ZNF280D: variants seen among roughly 807,000 people sequenced by gnomAD.
The protein encoded by ZNF280D is suppressor of hairy wing homolog 4.
A neutral mutation model predicts 94.7 loss-of-function variants in ZNF280D; 39 were observed. The observed-to-expected ratio is 0.41, with a 90% CI of 0.32 to 0.54. The LOEUF is 0.54. Among genes scored for constraint, ZNF280D ranks in the 20% least tolerant of loss-of-function variants. ZNF280D has a pLI of 0.22. For missense variants in ZNF280D, 1,090 were observed against 1,149.3 expected, an observed-to-expected ratio of 0.95 and a Z score of 0.75; for synonymous variants, 398 against 377.6, an observed-to-expected ratio of 1.05 and a Z score of -0.63.
At chr15:56,658,884 C>G (rs2053723326) in intron 16 of ZNF280D, among the ~76,000 whole-genome samples, 1 of 152,036 alleles carries the variant, frequency 6.6e-6, no homozygotes, top group Admixed American at 6.6e-5. Flanking sequence ...TTTTATTACT[C>G]TCCAATTTTA....
intron 20 of ZNF280D, among the ~76,000 whole-genome samples, chr15:56,639,092 T>C (rs1343314140): frequency 6.6e-6 from 1 of 151,918 alleles, no homozygotes; most frequent in Admixed American, 6.6e-5. Flanking sequence ...GAGGTATATG[T>C]TATTATATCC....
In ZNF280D at chr15:56,666,673, G is replaced by T; in HGVS notation, c.1853+6C>A. ...ATTATATTGTATATCAGGAATAAAAGATTACCTTAAATTCCTCAATGCTGT... is the reference window on the plus strand; with the variant it reads ...ATTATATTGTATATCAGGAATAAAATATTACCTTAAATTCCTCAATGCTGT... On this transcript the variant is annotated splice_donor_region_variant and intron_variant, in intron 15 of 21. Coordinates refer to ENST00000267807, the MANE Select transcript of ZNF280D (RefSeq NM_017661.4). 6.3e-7 allele frequency: 1 copy of T among 1,581,502 alleles called. No individual in the cohort carries two copies. Among genetic ancestry groups the T allele is most frequent in the Non-Finnish European group, 8.6e-7 (1 of 1,168,476 alleles).
chr15:56,665,377 G>A (rs1390290281), intron 16 of ZNF280D, among the ~76,000 whole-genome samples: 1 of 152,036 alleles, frequency 6.6e-6, no homozygotes, highest in East Asian at 1.9e-4. Context: ...CATTCTGAAG[G>A]AATAAAGTAT....
chr15:56,676,963 G>T, intron 12 of ZNF280D, 147 bp from the exon 13 acceptor site: 2 of 600,402 alleles, frequency 3.3e-6, no homozygotes, highest in Non-Finnish European at 2.8e-6. Context: ...TCTCACTAAG[G>T]CAACACCAAA....
At position 56,701,063 on chromosome 15, in the gene ZNF280D, G is replaced by A; in HGVS notation, c.251C>T (p.Ala84Val). The change falls in exon 6 of 22, where the codon GCT becomes GTT. Residue 84 changes from alanine to valine, a missense_variant. Around this residue, in one of 3 missense-constraint regions of ZNF280D, gnomAD observed 386 missense variants for 372.0 expected, o/e 1.04. Coordinates refer to ENST00000267807, the MANE Select transcript of ZNF280D (RefSeq NM_017661.4). ...KNGALSRGITAAFKPTSQHYT... is the reference protein window; with the variant it reads ...KNGALSRGITVAFKPTSQHYT... ...GTGTTGACTTGTAGGCTTGAATGCA[G>A]CAGTAATACCTGTATTTTAAAGTAA... 6.2e-7 allele frequency: 1 copy of A among 1,613,644 alleles called. No homozygotes were observed. The highest frequency in any genetic ancestry group is 8.5e-7 in the Non-Finnish European group (1 of 1,179,680).
chr15:56,731,339 C>T (rs983934183), intron 1 of ZNF280D, among the ~76,000 whole-genome samples: 11 of 151,590 alleles, frequency 7.3e-5, no homozygotes, highest in South Asian at 4.2e-4. Flanking sequence ...CCCATCTCTA[C>T]AAAAAATACA....
rs2058270342 is a variant in ZNF280D at position 56,720,057 on chromosome 15, G to GC, written c.-85-12752dup. On this transcript the variant is annotated intron_variant, in intron 1 of 21. Transcript: ENST00000267807. ...CAATTTCTTAAAATAAGACAATGAA[G>GC]CTTGGCACATCCATCGACTTTTCCT... 2.0e-5 allele frequency among the ~76,000 whole-genome samples: 3 copies of GC among 152,204 alleles called. No individual in the cohort carries two copies. The South Asian group carries it at 6.2e-4, about 32-fold the overall frequency.
intron 9 of ZNF280D, among the ~76,000 whole-genome samples, chr15:56,685,377 G>T (rs896772695): frequency 1.4e-4 from 19 of 135,706 alleles, no homozygotes; most frequent in African/African-American, 4.9e-4. Flanking sequence ...AAACAAAAAT[G>T]TAATGTCATA....
intron 14 of ZNF280D, among the ~76,000 whole-genome samples, chr15:56,667,205 T>C (rs1409556471): frequency 3.3e-5 from 5 of 152,168 alleles, no homozygotes; most frequent in African/African-American, 9.6e-5. Flanking sequence ...ATATCAGTTA[T>C]ATGTTAACAC....
intron 21 of ZNF280D, among the ~76,000 whole-genome samples, chr15:56,633,417 G>T (rs1183482579): frequency 1.3e-5 from 2 of 151,698 alleles, no homozygotes; most frequent in Non-Finnish European, 2.9e-5. Context: ...CTTTTAATAT[G>T]TAAAAGATAT....
Position 56,689,127 on chromosome 15 carries a change from A to G in ZNF280D, c.694T>C (p.Ser232Pro), listed in dbSNP as rs762750998. 2 of 1,610,328 alleles carry G rather than the reference A, an allele frequency of 1.2e-6. No homozygotes were observed. The highest frequency in any genetic ancestry group is 1.7e-6 in the Non-Finnish European group (2 of 1,178,406). Residue 232 changes from serine to proline, a missense_variant, in exon 9 of 22, where the codon TCT becomes CCT. Transcript: ENST00000267807. The part of the protein sequence containing the change: ...AKGTNTSSNQ[S>P]KNGTPFPRAC... ...CTTGGAAAAGGTGTTCCATTTTTAG[A>G]CTGATTTGATGAGGTATTTGTACCT...
At chr15:56,664,657 A>G (rs2054169563) in intron 16 of ZNF280D, among the ~76,000 whole-genome samples, 1 of 152,224 alleles carries the variant, frequency 6.6e-6, no homozygotes, top group East Asian at 1.9e-4. Context: ...CTGAAGAAGG[A>G]TTAAACAAAT....
At chr15:56,654,052 A>G (rs2053373656) in intron 19 of ZNF280D, 146 bp downstream of exon 19, 1 of 1,499,194 alleles carries the variant, frequency 6.7e-7, no homozygotes, top group Non-Finnish European at 8.8e-7. Context: ...TAGAGCAGGA[A>G]CCTATTTCAA....
Position 56,677,619 on chromosome 15 carries a change from A to G in ZNF280D, c.1218T>C (p.His406=). 3 of 1,610,470 alleles carry G rather than the reference A, an allele frequency of 1.9e-6. No individual in the cohort carries two copies. The highest frequency in any genetic ancestry group is 2.5e-6 in the Non-Finnish European group (3 of 1,178,276). The change falls in exon 12 of 22, where the codon CAT becomes CAC. Residue 406 remains histidine, a synonymous_variant. Transcript: ENST00000267807. ...SFETEHVLLQ[H]MKDNHKPGEM... ...CACCAGGTTTATGATTGTCCTTCATATGTTGTAAAAGAACATGTTCTGTTT... is the reference window on the plus strand; with the variant it reads ...CACCAGGTTTATGATTGTCCTTCATGTGTTGTAAAAGAACATGTTCTGTTT...
At chr15:56,633,554 G>T (rs2052196403) in intron 21 of ZNF280D, among the ~76,000 whole-genome samples, 1 of 151,836 alleles carries the variant, frequency 6.6e-6, no homozygotes, top group Non-Finnish European at 1.5e-5. Flanking sequence ...GCAGTGGCAT[G>T]ATCTCGGCTC....
intron 16 of ZNF280D, among the ~76,000 whole-genome samples, chr15:56,660,548 A>G (rs1405198245): frequency 6.6e-6 from 1 of 152,072 alleles, no homozygotes; most frequent in Non-Finnish European, 1.5e-5. Flanking sequence ...CACAGCTCAC[A>G]CATAAAAAGG....
At chr15:56,668,033 A>G in intron 14 of ZNF280D, 1 of 400,498 alleles carries the variant, frequency 2.5e-6, no homozygotes, top group South Asian at 1.8e-5. Flanking sequence ...ACATGGAATG[A>G]ATGGATTGCA....
intron 20 of ZNF280D, among the ~76,000 whole-genome samples, chr15:56,638,855 A>G (rs2052478954): frequency 6.6e-6 from 1 of 152,130 alleles, no homozygotes; most frequent in South Asian, 2.1e-4. Flanking sequence ...ATGGCTATGC[A>G]AGACAGCCCT....
In ZNF280D at chr15:56,722,709, C is replaced by T. The variant is rs533110873; in HGVS notation, c.-86+10749G>A. Among the ~76,000 whole-genome samples the T allele has an allele frequency of 1.7e-4, 26 of 152,218 alleles. No homozygotes were observed. In the East Asian group the frequency reaches 3.5e-3, roughly 20 times the overall value. Reference sequence around the variant, plus strand: ...TCTAGAACTAGACATACCATTTGACCCAGCCATCCCATTACTGGGTATATA... The same window carrying T: ...TCTAGAACTAGACATACCATTTGACTCAGCCATCCCATTACTGGGTATATA... On this transcript the variant is annotated intron_variant, in intron 1 of 21. Coordinates refer to ENST00000267807, the MANE Select transcript of ZNF280D (RefSeq NM_017661.4).
Sources: gnomAD v4.1 joint callset for allele counts (sites outside exome capture counted in the v4.1 genomes callset) on GRCh38, gnomAD v4.1.1 for gene constraint, gnomAD v4.1.1 regional missense constraint, MANE v1.5 for transcripts, NCBI Gene and HGNC (gene_info 2026-07-23, HGNC 2026-07-21) for gene names.